JADE3: variants seen among roughly 807,000 people sequenced by gnomAD.
JADE3 encodes the protein jade family PHD finger 3.
JADE3 carries 2 observed loss-of-function variants against 50.1 expected under a neutral mutation model. The ratio of observed to expected loss-of-function variants is 0.04; its 90% CI spans 0.02 to 0.13. JADE3 has a LOEUF of 0.13. Ranked by LOEUF, JADE3 falls within the 10% of genes least tolerant of loss-of-function variation. JADE3 has a pLI of 1.00. For missense variants in JADE3, 475 were observed against 634.4 expected (o/e 0.75, Z 2.70); for synonymous variants, 218 against 232.9 (o/e 0.94, Z 0.58).
At chrX:47,026,735 GC>G (rs1306646937) in intron 5 of JADE3, among the ~76,000 whole-genome samples, 6 of 111,654 alleles carry the variant, frequency 5.4e-5, no homozygotes, top group Non-Finnish European at 7.5e-5. Context: ...ACCATACTAA[GC>G]AATGTACCAA....
Position 46,960,816 on chromosome X carries a change from C to G in JADE3, c.-11-24068C>G, listed in dbSNP as rs781941045. 6.3e-5 allele frequency among the ~76,000 whole-genome samples: 7 copies of G among 111,358 alleles called. No individual in the cohort carries two copies. The East Asian group carries it at 2.0e-3, about 31-fold the overall frequency. On this transcript the variant is annotated intron_variant, in intron 1 of 10. Coordinates refer to ENST00000614628, the MANE Select transcript of JADE3 (RefSeq NM_014735.5). ...ACCCTTGCAAAAACCATTATTTGTT[C>G]AATGCATATTTAAAGGAGAGAGTGA...
chrX:46,915,376 A>G (rs185670219), intron 1 of JADE3, among the ~76,000 whole-genome samples: 129 of 112,352 alleles, frequency 1.1e-3, no homozygotes, highest in African/African-American at 3.9e-3. Context: ...ATGATTTACT[A>G]TGATCTTGAC....
At position 47,056,176 on chromosome X, in the gene JADE3, T is replaced by A; in HGVS notation, c.1538T>A (p.Leu513His). 8.4e-7 allele frequency: 1 copy of A among 1,183,463 alleles called. No individual in the cohort carries two copies. The highest frequency in any genetic ancestry group is 1.1e-6 in the Non-Finnish European group (1 of 870,108). ...CAGATCTTCGGTTTGCAAGTCCAGC[T>A]TCTTAACCAAGAAATTGATGCAGGT... ...QEQIFGLQVQ[L>H]LNQEIDAGLP... is the part of the protein sequence containing the mutation. The change falls in exon 10 of 11, where the codon CTT becomes CAT. Residue 513 changes from leucine (L) to histidine (H), a missense_variant. Transcript: ENST00000614628.
In JADE3 at chrX:47,059,014, T is replaced by A. The variant is rs1477918601; in HGVS notation, c.2409T>A (p.Ser803=). The change falls in exon 11 of 11, where the codon TCT becomes TCA. Residue 803 remains serine (S), a synonymous_variant. Transcript: ENST00000614628. ...SSDRENPPHD[S]RRDCHGKSKT... Reference sequence around the variant, plus strand: ...ACAGGGAAAATCCTCCCCATGACTCTAGACGGGATTGCCATGGTAAAAGCA... The same window carrying A: ...ACAGGGAAAATCCTCCCCATGACTCAAGACGGGATTGCCATGGTAAAAGCA... 1.7e-6 allele frequency: 2 copies of A among 1,206,882 alleles called. No homozygotes were observed. Among genetic ancestry groups the A allele is most frequent in the African/African-American group, 3.5e-5 (2 of 57,132 alleles).
chrX:47,042,294 T>TAGG (rs1276741655), intron 8 of JADE3, among the ~76,000 whole-genome samples: 5 of 112,125 alleles, frequency 4.5e-5, no homozygotes, highest in African/African-American at 1.6e-4. Flanking sequence ...GGATTTGTAT[T>TAGG]ACAGCCCTGA....
intron 1 of JADE3, among the ~76,000 whole-genome samples, chrX:46,976,659 G>A (rs1465893990): frequency 9.0e-6 from 1 of 111,605 alleles, no homozygotes; most frequent in East Asian, 2.8e-4. Flanking sequence ...GTAAGACATC[G>A]AGATATATCA....
intron 7 of JADE3, among the ~76,000 whole-genome samples, chrX:47,034,363 T>G (rs1556367407): frequency 9.9e-5 from 11 of 111,480 alleles, no homozygotes; most frequent in Non-Finnish European, 1.9e-5. Flanking sequence ...TAATTTTATC[T>G]GGTTTTAAAC....
chrX:47,021,379 T>G (rs1456236868), intron 4 of JADE3, among the ~76,000 whole-genome samples: 1 of 111,765 alleles, frequency 8.9e-6, no homozygotes, highest in Non-Finnish European at 1.9e-5. Context: ...TTGTTTCCAG[T>G]TTTTACCTAC....
intron 4 of JADE3, among the ~76,000 whole-genome samples, chrX:46,998,703 T>C (rs1928198473): frequency 9.0e-6 from 1 of 110,855 alleles, no homozygotes; most frequent in Non-Finnish European, 1.9e-5. Context: ...TGTTTGTTTA[T>C]TTATTTTGAG....
chrX:46,920,328 C>G (rs1569533869), intron 1 of JADE3, among the ~76,000 whole-genome samples: 1 of 112,539 alleles, frequency 8.9e-6, no homozygotes, highest in African/African-American at 3.2e-5. Flanking sequence ...TGAGTGGAAT[C>G]ATGCAATATG....
At chrX:47,039,225 T>C (rs1055867873) in intron 8 of JADE3, among the ~76,000 whole-genome samples, 160 bp downstream of exon 8, 1 of 111,304 alleles carries the variant, frequency 9.0e-6, no homozygotes, top group Non-Finnish European at 1.9e-5. Flanking sequence ...ATCCCTTTTT[T>C]GGATATTGCC....
intron 1 of JADE3, among the ~76,000 whole-genome samples, chrX:46,955,270 A>G (rs1556346102): frequency 8.9e-6 from 1 of 112,637 alleles, no homozygotes; most frequent in Non-Finnish European, 1.9e-5. Context: ...CCATTTTATA[A>G]AGGAATGTTT....
chrX:47,052,217 C>A (rs782651859), intron 8 of JADE3, among the ~76,000 whole-genome samples: 30 of 109,740 alleles, frequency 2.7e-4, no homozygotes, highest in Non-Finnish European at 5.1e-4. Context: ...TTTGCCCCCC[C>A]CTATGAATAG....
chrX:46,913,567 T>C (rs1191046220), intron 1 of JADE3, among the ~76,000 whole-genome samples: 1 of 111,324 alleles, frequency 9.0e-6, no homozygotes, highest in African/African-American at 3.3e-5. Flanking sequence ...TTTTGTTTTG[T>C]TTTGTTTTGT....
chrX:47,047,208 T>A (rs1929395937), intron 8 of JADE3, among the ~76,000 whole-genome samples: 1 of 111,988 alleles, frequency 8.9e-6, no homozygotes, highest in African/African-American at 3.2e-5. Context: ...GTGAAAGCAT[T>A]TGAAAAAGTA....
rs782375456 is a variant in JADE3 at position 46,949,070 on chromosome X, A to T, written c.-11-35814A>T. ...CACCTCAACTTCCAGAGTAGTTGGG[A>T]CTACAGGTACATGCCACCATGCCCG... On this transcript the variant is annotated intron_variant, in intron 1 of 10. Transcript: ENST00000614628. Among the ~76,000 whole-genome samples, 7 of 110,619 alleles carry T rather than the reference A, an allele frequency of 6.3e-5. No homozygotes were observed. In the East Asian group the frequency reaches 2.0e-3, roughly 31 times the overall value.
intron 3 of JADE3, among the ~76,000 whole-genome samples, chrX:46,993,025 T>G (rs1347899005): frequency 8.9e-6 from 1 of 111,967 alleles, no homozygotes; most frequent in Non-Finnish European, 1.9e-5. Flanking sequence ...TGTTGTTGTT[T>G]TTAATCCCTA....
chrX:46,916,667 TAATATATTCTCC>T (rs1195589620), intron 1 of JADE3, among the ~76,000 whole-genome samples: 1 of 112,335 alleles, frequency 8.9e-6, no homozygotes, highest in Non-Finnish European at 1.9e-5. Context: ...TTTGCAACAA[TAATATATTCTCC>T]AAGATTTTCA....
At chrX:46,947,079 G>A (rs1926899138) in intron 1 of JADE3, among the ~76,000 whole-genome samples, 1 of 111,613 alleles carries the variant, frequency 9.0e-6, no homozygotes, top group Non-Finnish European at 1.9e-5. Context: ...GAGTGCAGTG[G>A]CACAATCTCA....
Sources: allele counts gnomAD v4.1 joint callset (sites outside exome capture counted in the v4.1 genomes callset), GRCh38; gene constraint gnomAD v4.1.1; transcripts MANE v1.5; gene names NCBI Gene and HGNC (gene_info 2026-07-23, HGNC 2026-07-21).